CNTNAP5: variants seen among roughly 807,000 people sequenced by gnomAD.
The protein encoded by CNTNAP5 is contactin associated protein family member 5.
A neutral mutation model predicts 150.2 loss-of-function variants in CNTNAP5; 72 were observed. The ratio of observed to expected loss-of-function variants is 0.48; its 90% confidence interval spans 0.40 to 0.58. CNTNAP5 has a LOEUF of 0.58. Ranked by LOEUF, CNTNAP5 falls within the 20% of genes least tolerant of loss-of-function variation. The pLI is 0.00. For synonymous variants in CNTNAP5, 672 were observed against 619.8 expected, an observed-to-expected ratio of 1.08 and a Z score of -1.25; for missense variants, 1,636 against 1,626.2, an observed-to-expected ratio of 1.01 and a Z score of -0.10.
At chr2:124,218,948 G>A (rs892005311) in intron 1 of CNTNAP5, among the ~76,000 whole-genome samples, 1 of 152,084 alleles carries the variant, frequency 6.6e-6, no homozygotes, top group Non-Finnish European at 1.5e-5. Flanking sequence ...TTTACCCAAA[G>A]CTATCCTGAT....
chr2:124,751,684 G>A (rs144701157), intron 14 of CNTNAP5, among the ~76,000 whole-genome samples: 1 of 152,182 alleles, frequency 6.6e-6, no homozygotes, highest in Non-Finnish European at 1.5e-5. Context: ...GTGCCTCAGA[G>A]AAACTTTGGA....
intron 3 of CNTNAP5, among the ~76,000 whole-genome samples, chr2:124,245,599 G>A (rs1463006091): frequency 6.6e-6 from 1 of 150,700 alleles, no homozygotes; most frequent in Non-Finnish European, 1.5e-5. Context: ...GTGTGTGTGT[G>A]TAAATATATA....
At chr2:124,260,012 A>T (rs1475052125) in intron 3 of CNTNAP5, among the ~76,000 whole-genome samples, 1 of 152,148 alleles carries the variant, frequency 6.6e-6, no homozygotes, top group Non-Finnish European at 1.5e-5. Flanking sequence ...ATTGGAAAAA[A>T]ACTACTTTAA....
intron 1 of CNTNAP5, among the ~76,000 whole-genome samples, chr2:124,061,497 G>A (rs1286759110): frequency 6.6e-6 from 1 of 152,122 alleles, no homozygotes; most frequent in African/African-American, 2.4e-5. Flanking sequence ...TCTCTGTACC[G>A]ACAGGTCATG....
At chr2:124,368,327 A>C (rs2104723624) in intron 3 of CNTNAP5, among the ~76,000 whole-genome samples, 1 of 152,290 alleles carries the variant, frequency 6.6e-6, no homozygotes, top group Non-Finnish European at 1.5e-5. Flanking sequence ...TACAGATCAA[A>C]ACTTCTGTAA....
chr2:124,854,580 G>T (rs2104706853), intron 19 of CNTNAP5, among the ~76,000 whole-genome samples: 1 of 152,256 alleles, frequency 6.6e-6, no homozygotes, highest in Middle Eastern at 3.4e-3. Context: ...TGTTTCTCTA[G>T]TGTCTTACAC....
At chr2:124,354,467 G>T (rs1253877116) in intron 3 of CNTNAP5, among the ~76,000 whole-genome samples, 1 of 152,158 alleles carries the variant, frequency 6.6e-6, no homozygotes, top group South Asian at 2.1e-4. Context: ...GAAGGCAGGG[G>T]CAGATATTTT....
intron 11 of CNTNAP5, among the ~76,000 whole-genome samples, chr2:124,598,883 T>G (rs1005631689): frequency 6.6e-6 from 1 of 152,062 alleles, no homozygotes; most frequent in Non-Finnish European, 1.5e-5. Context: ...AAGCGCAATA[T>G]TCGGGTGGGA....
At chr2:124,035,021 CCTTCCTTCCTTCCTT>C (rs1681174210) in intron 1 of CNTNAP5, among the ~76,000 whole-genome samples, 1 of 24,444 alleles carries the variant, frequency 4.1e-5, no homozygotes, top group African/African-American at 1.1e-4. Context: ...CCCCTCCCTC[CCTTCCTTCCTTCCTT>C]CTTCAGATAT....
intron 21 of CNTNAP5, among the ~76,000 whole-genome samples, chr2:124,893,826 T>G (rs1258279234): frequency 6.6e-6 from 1 of 152,104 alleles, no homozygotes; most frequent in Non-Finnish European, 1.5e-5. Flanking sequence ...TCATTCAACT[T>G]AGGCTCTCTG....
At chr2:124,138,066 A>G (rs551024455) in intron 1 of CNTNAP5, among the ~76,000 whole-genome samples, 1 of 152,312 alleles carries the variant, frequency 6.6e-6, no homozygotes, top group East Asian at 1.9e-4. Flanking sequence ...GTTACCTCAA[A>G]GAGAAAGTTA....
At chr2:124,097,526 A>T (rs1682963011) in intron 1 of CNTNAP5, among the ~76,000 whole-genome samples, 1 of 152,166 alleles carries the variant, frequency 6.6e-6, no homozygotes, top group African/African-American at 2.4e-5. Flanking sequence ...CTTGGAACCA[A>T]GCCCCACTGT....
chr2:124,049,439 G>A (rs1004892721), intron 1 of CNTNAP5, among the ~76,000 whole-genome samples: 2 of 152,160 alleles, frequency 1.3e-5, no homozygotes, highest in African/African-American at 2.4e-5. Flanking sequence ...AACCTGAACA[G>A]TCAAAACTTT....
Position 124,747,135 on chromosome 2 carries a change from A to G in CNTNAP5, c.2078-94A>G, listed in dbSNP as rs573069686. On this transcript the variant is annotated intron_variant, in intron 13 of 23. Transcript: ENST00000682447. ...GGAAGGAGATTATCTATATACATCT[A>G]TTCTCCAAGATATTTTCAGCTCAGT... is the stretch of plus-strand genomic sequence containing the variant. 18 of 1,199,904 alleles carry G rather than the reference A, an allele frequency of 1.5e-5. No homozygotes were observed. The African/African-American group carries it at 2.3e-4, about 15-fold the overall frequency. 74.3% of individuals were successfully genotyped at this position (1,199,904 alleles called of 1,614,324 possible). A position where few individuals can be genotyped will look rare whatever the true frequency, so the allele number is the denominator to read the frequency against.
At chr2:124,323,683 C>G (rs1689152021) in intron 3 of CNTNAP5, among the ~76,000 whole-genome samples, 1 of 152,176 alleles carries the variant, frequency 6.6e-6, no homozygotes, top group South Asian at 2.1e-4. Context: ...TAAATCAGGC[C>G]TGCCAACCCC....
chr2:124,492,115 G>C (rs150759607), intron 7 of CNTNAP5, among the ~76,000 whole-genome samples: 2 of 152,136 alleles, frequency 1.3e-5, no homozygotes, highest in African/African-American at 4.8e-5. Context: ...AAATTTGTTA[G>C]TTTGATGTAA....
At chr2:124,317,251 G>A (rs74619806) in intron 3 of CNTNAP5, among the ~76,000 whole-genome samples, 1 of 152,254 alleles carries the variant, frequency 6.6e-6, no homozygotes, top group Non-Finnish European at 1.5e-5. Context: ...TAATAGTAAT[G>A]ATGATAACAG....
rs374734868 is a variant in CNTNAP5, at chr2:124,068,511, C to T, written c.82+42779C>T. 2.1e-3 allele frequency among the ~76,000 whole-genome samples: 315 copies of T among 152,162 alleles called. 4 individuals are homozygous for T. In the South Asian group the frequency reaches 0.029, roughly 14 times the overall value. On this transcript the variant is annotated intron_variant, in intron 1 of 23. Coordinates refer to ENST00000682447, the MANE Select transcript of CNTNAP5 (RefSeq NM_001367498.1). ...AAATGCTCTATGGTCCTAGGTGAAT[C>T]TGAAAGGCAAACTAGGACACAGGAA...
chr2:124,891,456 G>T (rs1248529570), intron 21 of CNTNAP5, among the ~76,000 whole-genome samples: 26 of 152,104 alleles, frequency 1.7e-4, no homozygotes, highest in Non-Finnish European at 2.9e-5. Flanking sequence ...CTCAGTGAAG[G>T]GCGTGATGAC....
Sources: allele counts gnomAD v4.1 joint callset (sites outside exome capture counted in the v4.1 genomes callset), GRCh38; gene constraint gnomAD v4.1.1; transcripts MANE v1.5; gene names NCBI Gene and HGNC (gene_info 2026-07-23, HGNC 2026-07-21).